ABCA3: variants seen among roughly 807,000 people sequenced by gnomAD.
ABCA3 encodes the protein ATP binding cassette subfamily A member 3.
ABCA3 carries 88 observed loss-of-function variants against 172.8 expected under a neutral mutation model. The observed-to-expected ratio is 0.51, with a 90% CI of 0.43 to 0.61. The LOEUF is 0.61. Among genes scored for constraint, ABCA3 ranks in the 20% least tolerant of loss-of-function variants. ABCA3 has a pLI of 0.00. For synonymous variants in ABCA3, 1,066 were observed against 983.8 expected, an observed-to-expected ratio of 1.08 and a Z score of -1.56; for missense variants, 2,164 against 2,301.0, an observed-to-expected ratio of 0.94 and a Z score of 1.22.
rs367779123 is a variant in ABCA3 at position 2,298,476 on chromosome 16, A to G, written c.1806T>C (p.Val602=). ...ACAGGCCCAGGCTCTTCCGGATCTG[A>G]ACCATGTCCTGGGAAATTTCATACC... The part of the protein sequence containing the change: ...ISGYEISQDM[V]QIRKSLGLCP... The change falls in exon 15 of 33, where the codon GTT becomes GTC. Residue 602 remains valine, a synonymous_variant. Transcript: ENST00000301732. 1.5e-4 allele frequency: 245 copies of G among 1,613,956 alleles called. 1 individual carries two copies. Among genetic ancestry groups the G allele is most frequent in the Non-Finnish European group, 2.0e-4 (237 of 1,180,042 alleles).
intron 8 of ABCA3, among the ~76,000 whole-genome samples, chr16:2,318,286 G>A (rs2093719867): frequency 6.6e-6 from 1 of 152,108 alleles, no homozygotes; most frequent in Non-Finnish European, 1.5e-5. Flanking sequence ...GAGGCGCAGT[G>A]ATGGGTCGGC....
chr16:2,304,132 C>T lies in ABCA3; in HGVS notation c.1304G>A (p.Arg435Gln), dbSNP rs764776501. 34 of 1,614,008 alleles carry T rather than the reference C, an allele frequency of 2.1e-5. No individual in the cohort carries two copies. The Middle Eastern group carries it at 6.6e-4, about 31-fold the overall frequency. ...CACGTTGACGGGACTCAGGAGGTCT[C>T]GCCACTGGATGCCCATGCCTGGAAG... is the stretch of plus-strand genomic sequence containing the variant. ...FEAKGMGIQW[R>Q]DLLSPVNVDD... Residue 435 changes from arginine (R) to glutamine (Q), a missense_variant, in exon 12 of 33, where the codon CGA (arginine) becomes CAA (glutamine). This residue lies in a region of ABCA3 where 1,343 missense variants were observed against 1,369.6 expected (regional missense o/e 0.98). Coordinates refer to ENST00000301732, the MANE Select transcript of ABCA3 (RefSeq NM_001089.3).
chr16:2,324,904 T>C (rs2093731962), intron 5 of ABCA3, among the ~76,000 whole-genome samples: 1 of 151,992 alleles, frequency 6.6e-6, no homozygotes, highest in Non-Finnish European at 1.5e-5. Flanking sequence ...ACAAATGGAG[T>C]GGATGCTAAC....
chr16:2,322,364 G>A (rs1401437108), intron 7 of ABCA3, among the ~76,000 whole-genome samples: 2 of 151,748 alleles, frequency 1.3e-5, no homozygotes, highest in African/African-American at 4.8e-5. Context: ...AAATGTTCCT[G>A]AAAAGTATTT....
chr16:2,332,501 G>T, intron 1 of ABCA3: 1 of 929,944 alleles, frequency 1.1e-6, no homozygotes, highest in Non-Finnish European at 1.7e-6. Flanking sequence ...ATGGACTGAC[G>T]GGTAGCATAA....
intron 10 of ABCA3, among the ~76,000 whole-genome samples, chr16:2,314,567 G>A (rs1053779560): frequency 7.3e-5 from 11 of 150,240 alleles, no homozygotes; most frequent in Admixed American, 5.5e-4. Flanking sequence ...TGCTTAAAGC[G>A]GCCACAATGG....
At chr16:2,299,226 G>C (rs373914817) in intron 14 of ABCA3, among the ~76,000 whole-genome samples, 177 bp downstream of exon 14, 1 of 152,248 alleles carries the variant, frequency 6.6e-6, no homozygotes, top group Non-Finnish European at 1.5e-5. Flanking sequence ...GGACAGAGGC[G>C]GTGAGGAGGG....
chr16:2,328,502 C>T lies in ABCA3; in HGVS notation c.-76G>A, dbSNP rs780897469. ...GTAAGTTCAAGTAGGCGCTGCAACC[C>T]GCAGGAAATAGGAGAAACGTGCTCT... On this transcript the variant is annotated 5_prime_UTR_variant, in exon 3 of 33. Coordinates refer to ENST00000301732, the MANE Select transcript of ABCA3 (RefSeq NM_001089.3). The T allele has an allele frequency of 3.5e-5, 18 of 512,602 alleles. No individual in the cohort carries two copies. Among genetic ancestry groups the T allele is most frequent in the Admixed American group, 1.8e-4 (9 of 50,580 alleles). 31.8% of individuals were successfully genotyped at this position (512,602 alleles called of 1,614,324 possible).
intron 12 of ABCA3, among the ~76,000 whole-genome samples, chr16:2,303,266 T>C (rs565850009): frequency 6.7e-4 from 97 of 144,476 alleles, no homozygotes; most frequent in African/African-American, 1.7e-3. Context: ...TTTTCTCTCT[T>C]TTTTTTTTTT....
intron 18 of ABCA3, among the ~76,000 whole-genome samples, chr16:2,294,064 T>C (rs1017586984): frequency 6.6e-6 from 1 of 150,446 alleles, no homozygotes; most frequent in African/African-American, 2.4e-5. Context: ...AATCCAGGGG[T>C]GCAGGGGTGC....
At chr16:2,302,108 A>C (rs1011869942) in intron 12 of ABCA3, among the ~76,000 whole-genome samples, 1 of 152,254 alleles carries the variant, frequency 6.6e-6, no homozygotes, top group African/African-American at 2.4e-5. Flanking sequence ...AGTTAATGGA[A>C]TATCTATAGA....
rs1555487653 is a variant in ABCA3 at position 2,287,725 on chromosome 16, TAA to T, written c.3004+299_3004+300del. Among the ~76,000 whole-genome samples the T allele has an allele frequency of 2.0e-5, 3 of 152,216 alleles. No individual in the cohort carries two copies. Among genetic ancestry groups the T allele is most frequent in the Non-Finnish European group, 4.4e-5 (3 of 68,044 alleles). On this transcript the variant is annotated intron_variant, in intron 21 of 32. Coordinates refer to ENST00000301732, the MANE Select transcript of ABCA3 (RefSeq NM_001089.3). This position sits in a 1 kb window ranked among gnomAD's most constrained non-coding sequence, Gnocchi z 4.1. Reference sequence around the variant, plus strand: ...ATGATCCTGAAAGACACAGCTTCAGTAAAAAGACGCCTGACAAAGCCTGGCCC... The same window carrying T: ...ATGATCCTGAAAGACACAGCTTCAGTAAAGACGCCTGACAAAGCCTGGCCC...
At chr16:2,312,955 G>A (rs1390522038) in intron 10 of ABCA3, among the ~76,000 whole-genome samples, 1 of 151,990 alleles carries the variant, frequency 6.6e-6, no homozygotes, top group Non-Finnish European at 1.5e-5. Context: ...GAGGGAGGCT[G>A]AAGTGGAAGG....
chr16:2,285,311 G>T lies in ABCA3; in HGVS notation c.3483+131C>A. 8.7e-7 allele frequency: 1 copy of T among 1,146,308 alleles called. No individual in the cohort carries two copies. Among genetic ancestry groups the T allele is most frequent in the Non-Finnish European group, 1.3e-6 (1 of 791,686 alleles). 71.0% of individuals were successfully genotyped at this position (1,146,308 alleles called of 1,614,324 possible). A position where few individuals can be genotyped will look rare whatever the true frequency, so the allele number is the denominator to read the frequency against. On this transcript the variant is annotated intron_variant, in intron 23 of 32. Transcript: ENST00000301732. The surrounding 1 kb of genome is among the most constrained non-coding windows in gnomAD (Gnocchi z 4.7). ...AGGGGGCAGCCGCCAGGGGATTCCA[G>T]CTGTCCTCCCTGAGTCGGGCCGAGC...
chr16:2,337,320 G>A lies in ABCA3; in HGVS notation c.-539+3253C>T, dbSNP rs9933413. ...ACACATAATATATATTGGGCTGCAT[G>A]TTTACATTCATTCTTTTACACATAA... On this transcript the variant is annotated intron_variant, in intron 1 of 32. Coordinates refer to ENST00000301732, the MANE Select transcript of ABCA3 (RefSeq NM_001089.3). 5.4e-3 allele frequency among the ~76,000 whole-genome samples: 813 copies of A among 150,162 alleles called. 8 individuals are homozygous for A. The highest frequency in any genetic ancestry group is 0.019 in the African/African-American group (760 of 40,898).
In ABCA3 at chr16:2,276,678, C is replaced by T. The variant is rs565798050; in HGVS notation, c.5111G>A (p.Arg1704Gln). 4.3e-6 allele frequency: 7 copies of T among 1,613,200 alleles called. No homozygotes were observed. Among genetic ancestry groups the T allele is most frequent in the South Asian group, 3.3e-5 (3 of 91,086 alleles). ...TGGCGAGACAGCCGCCACCCCTCATCGCCCCTCCTCTGCGGTGGGCGGCTG... is the reference window on the plus strand; with the variant it reads ...TGGCGAGACAGCCGCCACCCCTCATTGCCCCTCCTCTGCGGTGGGCGGCTG... ...HLQPPTAEEG[R>Q] Residue 1704 changes from arginine (R) to glutamine (Q), a missense_variant, in exon 33 of 33, where the codon CGA becomes CAA. Transcript: ENST00000301732.
Position 2,281,138 on chromosome 16 carries a change from G to A in ABCA3, c.4248C>T (p.Gly1416=), listed in dbSNP as rs1567336647. ...TCGTGGTCTTCCCGGCTCCATTGAAGCCCAGCAGGCCGAAGCACTCCCCTT... is the reference window on the plus strand; with the variant it reads ...TCGTGGTCTTCCCGGCTCCATTGAAACCCAGCAGGCCGAAGCACTCCCCTT... The part of the protein sequence containing the change: ...VQKGECFGLL[G]FNGAGKTTTF... Residue 1416 remains glycine, a synonymous_variant, in exon 28 of 33, where the codon GGC becomes GGT. Coordinates refer to ENST00000301732, the MANE Select transcript of ABCA3 (RefSeq NM_001089.3). This position sits in a 1 kb window ranked among gnomAD's most constrained non-coding sequence, Gnocchi z 4.7. The A allele has an allele frequency of 3.7e-6, 6 of 1,613,874 alleles. No homozygotes were observed. Among genetic ancestry groups the A allele is most frequent in the Non-Finnish European group, 4.2e-6 (5 of 1,180,038 alleles).
intron 10 of ABCA3, among the ~76,000 whole-genome samples, chr16:2,311,111 C>T (rs577437090): frequency 7.0e-4 from 107 of 151,944 alleles, no homozygotes; most frequent in African/African-American, 2.3e-3. Context: ...GTCACTGGGA[C>T]TACAGGCGAG....
intron 3 of ABCA3, 76 bp downstream of exon 3, chr16:2,328,373 AAAGT>A (rs1235708750): frequency 1.3e-5 from 5 of 397,214 alleles, no homozygotes; most frequent in African/African-American, 2.1e-5. Flanking sequence ...CTATACAAAT[AAAGT>A]AAGAAAAAGG....
Sources: gnomAD v4.1 joint callset for allele counts (sites outside exome capture counted in the v4.1 genomes callset) on GRCh38, gnomAD v4.1.1 for gene constraint, gnomAD v4.1.1 regional missense constraint, Gnocchi (gnomAD v3.1) non-coding constraint, MANE v1.5 for transcripts, NCBI Gene and HGNC (gene_info 2026-07-23, HGNC 2026-07-21) for gene names.